Variants in RBBP5 observed in about 807,000 individuals in gnomAD.
The protein encoded by RBBP5 is RB binding protein 5, histone lysine methyltransferase complex subunit.
In RBBP5, 5 loss-of-function variants were observed where a neutral mutation model predicts 72.2. That is an observed-to-expected ratio of 0.07 (90% CI 0.04 to 0.15). The LOEUF (loss-of-function observed/expected upper bound fraction) is 0.15, where lower values mean the gene tolerates loss of function less well. Ranked by LOEUF, RBBP5 falls within the 10% of genes least tolerant of loss-of-function variation. The pLI, the probability that RBBP5 is intolerant of heterozygous loss-of-function variation, is 1.00. For missense variants in RBBP5, 322 were observed against 652.2 expected, an observed-to-expected ratio of 0.49 and a Z score of 5.51; for synonymous variants, 209 against 237.2, an observed-to-expected ratio of 0.88 and a Z score of 1.09.
chr1:205,107,267 C>A (rs1656109520), intron 3 of RBBP5, among the ~76,000 whole-genome samples: 1 of 151,756 alleles, frequency 6.6e-6, no homozygotes, highest in South Asian at 2.1e-4. Flanking sequence ...AGATACAAAA[C>A]CTACAGATTC....
intron 1 of RBBP5, chr1:205,116,445 G>T: frequency 5.3e-6 from 1 of 188,894 alleles, no homozygotes; most frequent in South Asian, 8.1e-5. Flanking sequence ...TTTGAGAACT[G>T]TTGACATATC....
intron 3 of RBBP5, among the ~76,000 whole-genome samples, chr1:205,109,233 GGAT>G (rs772447580): frequency 6.8e-6 from 1 of 148,140 alleles, no homozygotes; most frequent in Admixed American, 6.6e-5. Flanking sequence ...GCCAATAGCT[GGAT>G]GATGATGATG....
intron 12 of RBBP5, among the ~76,000 whole-genome samples, chr1:205,095,301 T>C (rs1655567217): frequency 6.6e-6 from 1 of 152,216 alleles, no homozygotes; most frequent in South Asian, 2.1e-4. Flanking sequence ...GCCCACAGGC[T>C]ACATGCGGCC....
intron 3 of RBBP5, among the ~76,000 whole-genome samples, chr1:205,107,963 A>G (rs1352091206): frequency 2.7e-5 from 4 of 147,418 alleles, no homozygotes; most frequent in East Asian, 2.0e-4. Context: ...AAAAAAAAAA[A>G]GGCAGGCGCT....
chr1:205,096,530 C>T, intron 12 of RBBP5, 152 bp downstream of exon 12: 1 of 672,080 alleles, frequency 1.5e-6, no homozygotes, highest in Non-Finnish European at 2.5e-6. Flanking sequence ...AACACAGACG[C>T]AATCATTATA....
At chr1:205,103,607 C>A (rs1045151207) in intron 5 of RBBP5, among the ~76,000 whole-genome samples, 6 of 152,154 alleles carry the variant, frequency 3.9e-5, no homozygotes, top group Admixed American at 3.3e-4. Flanking sequence ...TTTATAATTT[C>A]ATAATGGCCC....
intron 13 of RBBP5, chr1:205,092,080 T>C (rs1655369840): frequency 6.6e-6 from 1 of 152,128 alleles, no homozygotes; most frequent in Admixed American, 6.6e-5. Context: ...CGTTACTGGA[T>C]AAAGCCCTAC....
chr1:205,114,288 A>C (rs1656437597), intron 3 of RBBP5, among the ~76,000 whole-genome samples: 1 of 152,256 alleles, frequency 6.6e-6, no homozygotes, highest in African/African-American at 2.4e-5. Flanking sequence ...TCTGAAGCAA[A>C]TAGTTTCAGA....
Position 205,117,569 on chromosome 1 carries a change from G to A in RBBP5, c.20-1686C>T, listed in dbSNP as rs904730277. Among the ~76,000 whole-genome samples the A allele has an allele frequency of 2.6e-5, 4 of 151,644 alleles. No individual in the cohort carries two copies. The East Asian group carries it at 8.0e-4, about 30-fold the overall frequency. On this transcript the variant is annotated intron_variant, in intron 1 of 13. Coordinates refer to ENST00000264515, the MANE Select transcript of RBBP5 (RefSeq NM_005057.4). ...CAGCTACTCCAGAGGCTGAGGCAGA[G>A]GAATCTCTTGAACCTGGGAGGCAGA...
chr1:205,100,494 T>C (rs970459234), intron 6 of RBBP5, among the ~76,000 whole-genome samples: 1 of 152,206 alleles, frequency 6.6e-6, no homozygotes, highest in African/African-American at 2.4e-5. Context: ...ATTGTCAGCA[T>C]TAACTAAGTT....
rs778478873 is a variant in RBBP5, at chr1:205,099,926, G to A, written c.891C>T (p.Leu297=). Residue 297 remains leucine, a synonymous_variant, in exon 8 of 14, where the codon CTC becomes CTT. Coordinates refer to ENST00000264515, the MANE Select transcript of RBBP5 (RefSeq NM_005057.4). This position sits in a 1 kb window ranked among gnomAD's most constrained non-coding sequence, Gnocchi z 4.7. ...VKILHGTRGE[L]LLDVAWHPVR... ...ATGTACTCACAGCTACATCCAAGAG[G>A]AGTTCTCCTCTCGTCCCATGGAGAA... 2.0e-5 allele frequency: 32 copies of A among 1,613,982 alleles called. No individual in the cohort carries two copies. Among genetic ancestry groups the A allele is most frequent in the Non-Finnish European group, 2.5e-5 (30 of 1,179,992 alleles).
At chr1:205,097,207 T>C (rs1655651657) in intron 11 of RBBP5, 119 bp downstream of exon 11, 1 of 977,878 alleles carries the variant, frequency 1.0e-6, no homozygotes, top group African/African-American at 1.6e-5. Flanking sequence ...CCAAACGAGT[T>C]ATCTCTTTTA....
chr1:205,107,983 G>A (rs915690706), intron 3 of RBBP5, among the ~76,000 whole-genome samples: 5 of 145,230 alleles, frequency 3.4e-5, no homozygotes, highest in Non-Finnish European at 7.5e-5. Context: ...TGTGGCTCAC[G>A]CCTGTAATCC....
chr1:205,094,913 C>A lies in RBBP5; in HGVS notation c.1548G>T (p.Ala516=). 2 of 1,614,200 alleles carry A rather than the reference C, an allele frequency of 1.2e-6. No individual in the cohort carries two copies. The highest frequency in any genetic ancestry group is 2.7e-5 in the African/African-American group (2 of 75,050). ...TGAGTTCCGCCTGCACTTTACCCTT[C>A]GCTGATCCTTCCAGAGGTAAACCTC... ...GDRGLPLEGS[A]KGKVQAELSQ... Residue 516 remains alanine, a synonymous_variant, in exon 13 of 14, where the codon GCG becomes GCT. Coordinates refer to ENST00000264515, the MANE Select transcript of RBBP5 (RefSeq NM_005057.4).
At chr1:205,094,148 C>T (rs970883463) in intron 13 of RBBP5, among the ~76,000 whole-genome samples, 5 of 152,122 alleles carry the variant, frequency 3.3e-5, no homozygotes, top group African/African-American at 9.7e-5. Context: ...ATAAAAATCC[C>T]TCAGTAATAT....
chr1:205,109,585 AG>A (rs1271691191), intron 3 of RBBP5, among the ~76,000 whole-genome samples: 1 of 149,588 alleles, frequency 6.7e-6, no homozygotes, highest in Non-Finnish European at 1.5e-5. Flanking sequence ...AAAAAAAAAA[AG>A]AAAAAAAACC....
At chr1:205,121,726 C>T in intron 1 of RBBP5, 129 bp downstream of exon 1, 1 of 1,455,724 alleles carries the variant, frequency 6.9e-7, no homozygotes, top group Non-Finnish European at 9.5e-7. Flanking sequence ...TGCTGCTCCA[C>T]ATCAGGTGTG....
chr1:205,097,977 G>A (rs561356608), intron 10 of RBBP5, among the ~76,000 whole-genome samples: 15 of 151,846 alleles, frequency 9.9e-5, no homozygotes, highest in South Asian at 4.2e-4. Context: ...GCATTCACCC[G>A]CACAAACCTT....
intron 6 of RBBP5, 79 bp from the exon 7 acceptor site, chr1:205,100,350 G>T: frequency 6.6e-7 from 1 of 1,512,248 alleles, no homozygotes; most frequent in Non-Finnish European, 8.9e-7. Flanking sequence ...ATAAACTAGG[G>T]AAGAATTGAG....
Sources: allele counts gnomAD v4.1 joint callset (sites outside exome capture counted in the v4.1 genomes callset), GRCh38; gene constraint gnomAD v4.1.1; non-coding constraint Gnocchi (gnomAD v3.1); transcripts MANE v1.5; gene names NCBI Gene and HGNC (gene_info 2026-07-23, HGNC 2026-07-21).